Variants in ATRN observed in about 807,000 individuals in gnomAD.
ATRN encodes attractin-2.
Under a neutral mutation model 178.7 loss-of-function variants are expected in ATRN, and 54 were observed. That is an observed-to-expected ratio of 0.30 (90% CI 0.24 to 0.38). ATRN has a LOEUF of 0.38. Ranked by LOEUF, ATRN falls within the 10% of genes least tolerant of loss-of-function variation. ATRN has a pLI of 1.00. For synonymous variants in ATRN, 636 were observed against 663.0 expected (o/e 0.96, Z 0.63); for missense variants, 1,443 against 1,815.1 (o/e 0.79, Z 3.73).
intron 6 of ATRN, among the ~76,000 whole-genome samples, chr20:3,555,087 G>A (rs1178409408): frequency 2.4e-5 from 3 of 124,928 alleles, no homozygotes; most frequent in Non-Finnish European, 3.1e-5. Context: ...TGCAGGCTCC[G>A]CCCCCTGGGG....
chr20:3,603,054 A>G (rs2086633397), intron 23 of ATRN, among the ~76,000 whole-genome samples: 1 of 151,198 alleles, frequency 6.6e-6, no homozygotes, highest in African/African-American at 2.4e-5. Flanking sequence ...CACAGGGTCT[A>G]ACTCAGACAT....
rs763120911 is a variant in ATRN, at chr20:3,583,879, TC to T, written c.2765-18del. On this transcript the variant is annotated intron_variant, in intron 16 of 28. Coordinates refer to ENST00000262919, the MANE Select transcript of ATRN (RefSeq NM_139321.3). ...ACATGGTGGGAGCTCTAAGTGTCTC[TC>T]TTGGGTTTCATTCCCAGCAAACCAC... The T allele has an allele frequency of 1.0e-4, 168 of 1,609,672 alleles. 1 individual carries two copies. The South Asian group carries it at 1.8e-3, about 17-fold the overall frequency.
At chr20:3,582,016 G>T in intron 15 of ATRN, 119 bp from the exon 16 acceptor site, 1 of 904,328 alleles carries the variant, frequency 1.1e-6, no homozygotes, top group South Asian at 1.7e-5. Context: ...AAGGTGGGAG[G>T]ATCACTTGAG....
At chr20:3,490,617 C>G in intron 1 of ATRN, 2 of 991,026 alleles carry the variant, frequency 2.0e-6, no homozygotes, top group Non-Finnish European at 3.3e-6. Flanking sequence ...GACCATATCC[C>G]TCTTCATCTG....
chr20:3,606,192 A>G (rs914821194), intron 24 of ATRN, among the ~76,000 whole-genome samples: 1 of 152,164 alleles, frequency 6.6e-6, no homozygotes, highest in Non-Finnish European at 1.5e-5. Flanking sequence ...CTAGTCACAC[A>G]TCTGCTCACA....
chr20:3,614,235 C>T (rs1332734827), intron 24 of ATRN, among the ~76,000 whole-genome samples: 5 of 152,110 alleles, frequency 3.3e-5, no homozygotes, highest in Admixed American at 2.6e-4. Flanking sequence ...GAAAGCTATC[C>T]TAGTTGTTCT....
intron 1 of ATRN, among the ~76,000 whole-genome samples, chr20:3,481,179 C>G (rs2084615100): frequency 6.6e-6 from 1 of 152,130 alleles, no homozygotes; most frequent in South Asian, 2.1e-4. Context: ...AACGTGACTT[C>G]CTTCTTATGA....
chr20:3,511,766 C>A (rs1238362727), intron 1 of ATRN, among the ~76,000 whole-genome samples: 1 of 152,110 alleles, frequency 6.6e-6, no homozygotes, highest in Non-Finnish European at 1.5e-5. Flanking sequence ...GAAAAAATCA[C>A]ACGTAGCTTA....
intron 18 of ATRN, among the ~76,000 whole-genome samples, chr20:3,588,331 A>T (rs1030629226): frequency 6.6e-6 from 1 of 152,102 alleles, no homozygotes; most frequent in Non-Finnish European, 1.5e-5. Context: ...TTTTTTATAC[A>T]TGCCCTTTAT....
At chr20:3,570,762 A>G (rs1344972285) in intron 11 of ATRN, among the ~76,000 whole-genome samples, 1 of 152,220 alleles carries the variant, frequency 6.6e-6, no homozygotes, top group African/African-American at 2.4e-5. Context: ...ACATGAAATT[A>G]GGTTTTTCTC....
intron 18 of ATRN, among the ~76,000 whole-genome samples, chr20:3,587,799 A>C (rs1164138206): frequency 6.6e-6 from 1 of 152,096 alleles, no homozygotes; most frequent in African/African-American, 2.4e-5. Flanking sequence ...TTTGCATTGA[A>C]TCTACTGACC....
intron 19 of ATRN, 129 bp from the exon 20 acceptor site, chr20:3,594,350 A>G (rs2086493594): frequency 1.7e-6 from 1 of 593,858 alleles, no homozygotes; most frequent in Non-Finnish European, 2.9e-6. Context: ...TACCCATTGA[A>G]TGCTCGTACT....
rs1225555462 is a variant in ATRN, at chr20:3,647,674, T to G, written c.*827T>G. The G allele has an allele frequency of 1.3e-5, 2 of 152,182 alleles. No homozygotes were observed. The highest frequency in any genetic ancestry group is 3.8e-4 in the East Asian group (2 of 5,198). 9.4% of individuals were successfully genotyped at this position (152,182 alleles called of 1,614,324 possible). A position where few individuals can be genotyped will look rare whatever the true frequency, so the allele number is the denominator to read the frequency against. ...TAAATAGATCTAGCAATTGGAAAGT[T>G]AGTAAGCCTAAGTTTTTACATAATT... On this transcript the variant is annotated 3_prime_UTR_variant, in exon 29 of 29. Transcript: ENST00000262919.
chr20:3,537,566 G>T (rs2085555292), intron 2 of ATRN, among the ~76,000 whole-genome samples: 1 of 150,602 alleles, frequency 6.6e-6, no homozygotes, highest in South Asian at 2.1e-4. Context: ...CAACGTGCAG[G>T]TTTGTTACAT....
In ATRN at chr20:3,489,056, G is replaced by A. The variant is rs1316243847; in HGVS notation, c.410+17539G>A. On this transcript the variant is annotated intron_variant, in intron 1 of 28. Coordinates refer to ENST00000262919, the MANE Select transcript of ATRN (RefSeq NM_139321.3). ...GCTCACTGCAACCTCCGCCTCCTGG[G>A]TTCAAGCAATTCTCCTGCCTCAGCC... Among the ~76,000 whole-genome samples, 5 of 152,092 alleles carry A rather than the reference G, an allele frequency of 3.3e-5. No homozygotes were observed. The East Asian group carries it at 7.7e-4, about 23-fold the overall frequency.
chr20:3,561,195 C>T lies in ATRN; in HGVS notation c.1447+290C>T, dbSNP rs41306765. Among the ~76,000 whole-genome samples the T allele has an allele frequency of 0.038, 5,808 of 152,166 alleles. 148 individuals are homozygous for T. Among genetic ancestry groups the T allele is most frequent in the Non-Finnish European group, 0.056 (3,815 of 67,986 alleles). On this transcript the variant is annotated intron_variant, in intron 8 of 28. Coordinates refer to ENST00000262919, the MANE Select transcript of ATRN (RefSeq NM_139321.3). ...AAAATTAGCCTGTCCTGGTGGCGGGCACCTATAATCCCAGCAACTCAGGAG... is the reference window on the plus strand; with the variant it reads ...AAAATTAGCCTGTCCTGGTGGCGGGTACCTATAATCCCAGCAACTCAGGAG...
In ATRN at chr20:3,506,057, G is replaced by GACACATACACAT. The variant is rs146070756; in HGVS notation, c.411-29178_411-29167dup. ...CAGAATTGTATAGACTTGACACACT[G>GACACATACACAT]ACACATACACATACACATACACATA... On this transcript the variant is annotated intron_variant, in intron 1 of 28. Coordinates refer to ENST00000262919, the MANE Select transcript of ATRN (RefSeq NM_139321.3). Among the ~76,000 whole-genome samples, 1,204 of 151,906 alleles carry GACACATACACAT rather than the reference G, an allele frequency of 7.9e-3. 7 individuals are homozygous for GACACATACACAT. Among genetic ancestry groups the GACACATACACAT allele is most frequent in the African/African-American group, 0.027 (1,125 of 41,296 alleles).
chr20:3,573,373 A>C (rs2086156167), intron 12 of ATRN, among the ~76,000 whole-genome samples: 1 of 152,178 alleles, frequency 6.6e-6, no homozygotes, highest in Non-Finnish European at 1.5e-5. Context: ...GAAGAACTGA[A>C]TTTTTAATTT....
chr20:3,566,904 C>CGA (rs780835997), intron 11 of ATRN, among the ~76,000 whole-genome samples: 1 of 86,456 alleles, frequency 1.2e-5, no homozygotes, highest in Non-Finnish European at 2.1e-5. Flanking sequence ...GACTCCATCT[C>CGA]AAAAAAAAAA....
Sources: allele counts gnomAD v4.1 joint callset (sites outside exome capture counted in the v4.1 genomes callset), GRCh38; gene constraint gnomAD v4.1.1; transcripts MANE v1.5; gene names NCBI Gene and HGNC (gene_info 2026-07-23, HGNC 2026-07-21).